The following PNPLA7 variants were observed in gnomAD, a reference collection of about 807,000 sequenced individuals.
PNPLA7 encodes patatin-like phospholipase domain-containing protein 7.
In PNPLA7, 153 loss-of-function variants were observed where a neutral mutation model predicts 161.7. The ratio of observed to expected loss-of-function variants is 0.95; its 90% CI spans 0.83 to 1.08. The LOEUF (loss-of-function observed/expected upper bound fraction) is 1.08, where lower values mean the gene tolerates loss of function less well. PNPLA7 is among the 50% of genes least tolerant of loss of function. The pLI is 0.00. For synonymous variants in PNPLA7, 809 were observed against 782.1 expected, an observed-to-expected ratio of 1.03 and a Z score of -0.57; for missense variants, 1,739 against 1,856.6, an observed-to-expected ratio of 0.94 and a Z score of 1.16.
At chr9:137,498,008 C>T in intron 17 of PNPLA7, 106 bp downstream of exon 17, 1 of 1,512,154 alleles carries the variant, frequency 6.6e-7, no homozygotes, top group Non-Finnish European at 8.9e-7. Flanking sequence ...GTGGTTTCCA[C>T]AGTAACTTCC....
chr9:137,491,711 G>C, intron 20 of PNPLA7: 2 of 985,434 alleles, frequency 2.0e-6, no homozygotes, highest in Non-Finnish European at 2.4e-6. Context: ...CCTCTGTGTG[G>C]CCCTCTGTGC....
chr9:137,460,419 C>G lies in PNPLA7; in HGVS notation c.4003G>C (p.Glu1335Gln). The G allele has an allele frequency of 1.2e-6, 2 of 1,612,674 alleles. No homozygotes were observed. The highest frequency in any genetic ancestry group is 1.7e-6 in the Non-Finnish European group (2 of 1,179,902). ...TACCCGTCCTGGTCAGAGGAGCCCT[C>G]AGACAGTTTTGGGAAAGCCAGACTG... ...HPSLAFPKLS[E>Q]GSSDQDG The change falls in exon 35 of 35, where the codon GAG (glutamate) becomes CAG (glutamine). Residue 1335 changes from glutamate (E) to glutamine (Q), a missense_variant. Transcript: ENST00000406427.
chr9:137,472,961 G>GAAAA (rs1033858696), intron 25 of PNPLA7, among the ~76,000 whole-genome samples: 1 of 149,570 alleles, frequency 6.7e-6, no homozygotes, highest in Non-Finnish European at 1.5e-5. Flanking sequence ...TCTCAAAAAA[G>GAAAA]AAAAAAAAAT....
intron 19 of PNPLA7, among the ~76,000 whole-genome samples, chr9:137,493,678 T>A: frequency 6.6e-6 from 1 of 152,224 alleles, no homozygotes; most frequent in South Asian, 2.1e-4. Flanking sequence ...GCTGGTTGGA[T>A]GGAGCCCTGC....
intron 30 of PNPLA7, 114 bp from the exon 31 acceptor site, chr9:137,462,445 G>C (rs1831260196): frequency 7.4e-6 from 11 of 1,488,030 alleles, no homozygotes; most frequent in Non-Finnish European, 9.8e-6. Flanking sequence ...GTAGGTTCTG[G>C]GGGGAGAGGG....
chr9:137,481,023 C>T lies in PNPLA7; in HGVS notation c.2348G>A (p.Gly783Asp). 2 of 1,551,622 alleles carry T rather than the reference C, an allele frequency of 1.3e-6. No individual in the cohort carries two copies. Among genetic ancestry groups the T allele is most frequent in the Non-Finnish European group, 1.7e-6 (2 of 1,146,946 alleles). The change falls in exon 22 of 35, where the codon GGC becomes GAC. Residue 783 changes from glycine to aspartate, a missense_variant and splice_region_variant. Physicochemically the swap from Gly to Asp is moderately conservative, Grantham distance 94 (BLOSUM62 -1). Transcript: ENST00000406427. Reference sequence around the variant, plus strand: ...GTCACTAGTCAGCAGCAGGGTCGGGCCTGAAAACACCACCACCAGTAACGG... The same window carrying T: ...GTCACTAGTCAGCAGCAGGGTCGGGTCTGAAAACACCACCACCAGTAACGG... ...LELEHALSAIGPTLLLTSDNI... is the reference protein window; with the variant it reads ...LELEHALSAIDPTLLLTSDNI...
At position 137,515,497 on chromosome 9, in the gene PNPLA7, T is replaced by G. The variant is rs1230208740; in HGVS notation, c.1107A>C (p.Ala369=). ...CDSDHGGGRP[A]AAGPLLKRSH... is the part of the protein sequence containing the mutation. ...TCCTCTTCAGCAGGGGCCCAGCAGC[T>G]GCCGGGCGGCCGCCCCCGTGATCTG... is the stretch of plus-strand genomic sequence containing the variant. The change falls in exon 12 of 35, where the codon GCA becomes GCC. Residue 369 remains alanine, a synonymous_variant. Coordinates refer to ENST00000406427, the MANE Select transcript of PNPLA7 (RefSeq NM_001098537.3). 1 of 1,564,966 alleles carries G rather than the reference T, an allele frequency of 6.4e-7. No homozygotes were observed. The highest frequency in any genetic ancestry group is 1.4e-5 in the African/African-American group (1 of 73,662).
chr9:137,461,066 C>T, intron 33 of PNPLA7: 1 of 370,424 alleles, frequency 2.7e-6, no homozygotes, highest in Non-Finnish European at 5.0e-6. Context: ...TGCCCAGGGC[C>T]CTCTCGGCCT....
chr9:137,482,247 G>A (rs1455247302), intron 21 of PNPLA7, among the ~76,000 whole-genome samples: 2 of 152,228 alleles, frequency 1.3e-5, no homozygotes, highest in African/African-American at 2.4e-5. Context: ...TTACCCAAAG[G>A]AACTGAAAAC....
At chr9:137,487,252 G>A (rs927168597) in intron 20 of PNPLA7, among the ~76,000 whole-genome samples, 2 of 152,220 alleles carry the variant, frequency 1.3e-5, no homozygotes, top group African/African-American at 2.4e-5. Context: ...TTCACAGACC[G>A]CACCCAGCTT....
rs983903080 is a variant in PNPLA7, at chr9:137,524,196, G to A, written c.748-1339C>T. On this transcript the variant is annotated intron_variant, in intron 8 of 34. Coordinates refer to ENST00000406427, the MANE Select transcript of PNPLA7 (RefSeq NM_001098537.3). This position sits in a 1 kb window ranked among gnomAD's most constrained non-coding sequence, Gnocchi z 4.4. ...TTGTCAAAATGTCACATAAATGGAGGCACAGAGTGTGGAGGCTTCCCTCAG... is the reference window on the plus strand; with the variant it reads ...TTGTCAAAATGTCACATAAATGGAGACACAGAGTGTGGAGGCTTCCCTCAG... 1.3e-5 allele frequency among the ~76,000 whole-genome samples: 2 copies of A among 152,032 alleles called. No individual in the cohort carries two copies. Among genetic ancestry groups the A allele is most frequent in the African/African-American group, 4.8e-5 (2 of 41,448 alleles).
intron 24 of PNPLA7, chr9:137,478,547 G>A (rs898980711): frequency 5.5e-6 from 1 of 183,302 alleles, no homozygotes; most frequent in Non-Finnish European, 1.1e-5. Flanking sequence ...CCGTGAGCAT[G>A]AGCAGACTCC....
chr9:137,466,854 G>A (rs1478410073), intron 26 of PNPLA7, among the ~76,000 whole-genome samples: 7 of 140,162 alleles, frequency 5.0e-5, no homozygotes, highest in African/African-American at 1.6e-4. Flanking sequence ...CCTCAGACCC[G>A]GGCACGGATC....
chr9:137,479,457 C>T, intron 23 of PNPLA7: 1 of 1,243,494 alleles, frequency 8.0e-7, no homozygotes, highest in South Asian at 3.7e-5. Context: ...GTCAGTACGG[C>T]AGGAGGGGGA....
Position 137,478,122 on chromosome 9 carries a change from G to A in PNPLA7, c.2794C>T (p.Pro932Ser), listed in dbSNP as rs1174285537. 4.4e-6 allele frequency: 6 copies of A among 1,349,902 alleles called. No individual in the cohort carries two copies. The South Asian group carries it at 7.7e-5, about 17-fold the overall frequency. 83.6% of individuals were successfully genotyped at this position (1,349,902 alleles called of 1,614,324 possible). Residue 932 changes from proline to serine, a missense_variant, in exon 25 of 35, where the codon CCC becomes TCC. By Grantham distance (74) the Pro-to-Ser change is moderately conservative. Around this residue, in one of 6 missense-constraint regions of PNPLA7, gnomAD observed 703 missense variants for 694.6 expected, o/e 1.01. Transcript: ENST00000406427. ...GAGAAGTCTGAGTGTCGGTCCGGGG[G>A]CCGCTGGAAGACATGCTTGTACATC... Reference protein sequence around the residue: ...VEMYKHVFQRPPDRHSDFSRL... With the variant: ...VEMYKHVFQRSPDRHSDFSRL...
At chr9:137,531,290 C>G (rs1051765432) in intron 8 of PNPLA7, among the ~76,000 whole-genome samples, 1 of 152,082 alleles carries the variant, frequency 6.6e-6, no homozygotes, top group Non-Finnish European at 1.5e-5. Flanking sequence ...AAAGCACGTG[C>G]GTGTGTTTGG....
chr9:137,501,027 A>G (rs1833379787), intron 15 of PNPLA7, 131 bp from the exon 16 acceptor site: 2 of 723,256 alleles, frequency 2.8e-6, no homozygotes, highest in Middle Eastern at 3.4e-4. Flanking sequence ...AGCTCTGGGC[A>G]TGGACTTCAC....
intron 31 of PNPLA7, 67 bp from the exon 32 acceptor site, chr9:137,462,108 G>C: frequency 6.6e-7 from 1 of 1,517,822 alleles, no homozygotes; most frequent in Non-Finnish European, 8.9e-7. Flanking sequence ...TTCTCAAAAG[G>C]GGGAAGCGAG....
intron 14 of PNPLA7, among the ~76,000 whole-genome samples, chr9:137,502,537 G>A (rs2132300291): frequency 6.8e-6 from 1 of 146,538 alleles, no homozygotes; most frequent in Non-Finnish European, 1.5e-5. Flanking sequence ...CCAGCTCTCA[G>A]GCAGAGGACG....
Sources: gnomAD v4.1 joint callset for allele counts (sites outside exome capture counted in the v4.1 genomes callset) on GRCh38, gnomAD v4.1.1 for gene constraint, gnomAD v4.1.1 regional missense constraint, Gnocchi (gnomAD v3.1) non-coding constraint, MANE v1.5 for transcripts, NCBI Gene and HGNC (gene_info 2026-07-23, HGNC 2026-07-21) for gene names.